The following ZCRB1 variants were observed in gnomAD, a reference collection of about 807,000 sequenced individuals.
The protein encoded by ZCRB1 is zinc finger CCHC-type and RNA-binding motif-containing protein 1.
In ZCRB1, 21 loss-of-function variants were observed where a neutral mutation model predicts 29.9. That is an observed-to-expected ratio of 0.70 (90% confidence interval 0.50 to 1.01). ZCRB1 has a LOEUF of 1.01. Among genes scored for constraint, ZCRB1 ranks in the 50% least tolerant of loss-of-function variants. ZCRB1 has a pLI of 0.00. For synonymous variants in ZCRB1, 77 were observed against 80.0 expected (o/e 0.96, Z 0.20); for missense variants, 204 against 253.3 (o/e 0.81, Z 1.32).
intron 2 of ZCRB1, among the ~76,000 whole-genome samples, chr12:42,323,501 T>C (rs1489748560): frequency 6.6e-6 from 1 of 152,218 alleles, no homozygotes; most frequent in Non-Finnish European, 1.5e-5. Context: ...TTCACTTCCA[T>C]TCCCAACTTA....
chr12:42,316,185 C>T (rs1592102145), intron 5 of ZCRB1, among the ~76,000 whole-genome samples: 2 of 152,286 alleles, frequency 1.3e-5, no homozygotes. Flanking sequence ...ACCTCCACCT[C>T]CTGGGTTCAA....
rs2068634523 is a variant in ZCRB1, at chr12:42,323,914, CAAAAAAAGAAAAAA to C, written c.84+91_84+104del. The C allele has an allele frequency of 1.6e-5, 17 of 1,078,374 alleles. No individual in the cohort carries two copies. The South Asian group carries it at 2.2e-4, about 14-fold the overall frequency. 66.8% of individuals were successfully genotyped at this position (1,078,374 alleles called of 1,614,324 possible). A position where few individuals can be genotyped will look rare whatever the true frequency, so the allele number is the denominator to read the frequency against. ...CCTCAGTGACAGAATTAGACTGTCT[CAAAAAAAGAAAAAA>C]AAAAAAAGGAAAAAAGAATTTGCCA... On this transcript the variant is annotated intron_variant, in intron 2 of 7. Transcript: ENST00000266529.
At chr12:42,314,103 C>G in intron 5 of ZCRB1, 117 bp from the exon 6 acceptor site, 1 of 973,872 alleles carries the variant, frequency 1.0e-6, no homozygotes, top group Non-Finnish European at 1.5e-6. Flanking sequence ...TATTCCCATA[C>G]TGGGACTATA....
Position 42,313,020 on chromosome 12 carries a change from T to G in ZCRB1, c.*47A>C. ...TTTTATTAAAATTAGCTCTTCAAGA[T>G]TGTTACTAACAAATCTTGATTTTTA... On this transcript the variant is annotated 3_prime_UTR_variant, in exon 8 of 8. Transcript: ENST00000266529. 2 of 1,490,630 alleles carry G rather than the reference T, an allele frequency of 1.3e-6. No individual in the cohort carries two copies. The highest frequency in any genetic ancestry group is 1.5e-5 in the South Asian group (1 of 67,188). 92.3% of individuals were successfully genotyped at this position (1,490,630 alleles called of 1,614,324 possible). A position where few individuals can be genotyped will look rare whatever the true frequency, so the allele number is the denominator to read the frequency against.
chr12:42,320,364 A>G (rs966142809), intron 3 of ZCRB1, among the ~76,000 whole-genome samples: 2 of 152,120 alleles, frequency 1.3e-5, no homozygotes, highest in African/African-American at 2.4e-5. Context: ...ACCAGTCTCT[A>G]TATCTCCACC....
At chr12:42,317,756 C>T in intron 4 of ZCRB1, 31 bp downstream of exon 4, 1 of 1,601,856 alleles carries the variant, frequency 6.2e-7, no homozygotes, top group Admixed American at 1.7e-5. Context: ...GGCTTTGGGG[C>T]TAAAAACCTT....
intron 5 of ZCRB1, among the ~76,000 whole-genome samples, chr12:42,314,229 GTCT>G (rs2068583541): frequency 6.6e-6 from 1 of 151,694 alleles, no homozygotes; most frequent in Admixed American, 6.6e-5. Context: ...AGTGGTAGTA[GTCT>G]TCTTTCAAAC....
rs1234216932 is a variant in ZCRB1, at chr12:42,313,782, C to G, written c.447-17G>C. 7 of 1,613,338 alleles carry G rather than the reference C, an allele frequency of 4.3e-6. No homozygotes were observed. ...ACTTCCTCACTTAAATAAAGAAAAA[C>G]AAATTGGAATGTAACCAACCAATAA... is the stretch of plus-strand genomic sequence containing the variant. On this transcript the variant is annotated splice_polypyrimidine_tract_variant and intron_variant, in intron 6 of 7. Coordinates refer to ENST00000266529, the MANE Select transcript of ZCRB1 (RefSeq NM_033114.4).
At chr12:42,314,050 C>G in intron 5 of ZCRB1, 64 bp from the exon 6 acceptor site, 2 of 1,523,966 alleles carry the variant, frequency 1.3e-6, no homozygotes, top group Non-Finnish European at 1.8e-6. Context: ...TAAAAACTTG[C>G]CTGGTACCTT....
At chr12:42,323,306 C>G (rs1349562703) in intron 2 of ZCRB1, among the ~76,000 whole-genome samples, 1 of 152,150 alleles carries the variant, frequency 6.6e-6, no homozygotes, top group Non-Finnish European at 1.5e-5. Context: ...AGAGTGAAAG[C>G]CAGAGTCCTT....
At position 42,322,413 on chromosome 12, in the gene ZCRB1, CTTACT is replaced by C. The variant is rs950723986; in HGVS notation, c.113_113+4del. Reference sequence around the variant, plus strand: ...GAAGTTACAAAATTTAATGTGAATACTTACTTTACAACTTTGCCATACTTGGAAAA... The same window carrying C: ...GAAGTTACAAAATTTAATGTGAATACTTACAACTTTGCCATACTTGGAAAA... On this transcript the variant is annotated splice_donor_variant and splice_donor_region_variant and coding_sequence_variant and intron_variant, in exon 3 of 8. Transcript: ENST00000266529. LOFTEE classifies it high-confidence loss of function. The C allele has an allele frequency of 3.4e-6, 5 of 1,469,520 alleles. No individual in the cohort carries two copies. The highest frequency in any genetic ancestry group is 1.4e-5 in the African/African-American group (1 of 69,682). The allele number at this position is 1,469,520 out of a possible 1,614,324, so 91.0% of individuals were successfully genotyped here. A position where few individuals can be genotyped will look rare whatever the true frequency, so the allele number is the denominator to read the frequency against.
chr12:42,312,903 C>G lies in ZCRB1; in HGVS notation c.*164G>C, dbSNP rs951528615. 5 of 732,630 alleles carry G rather than the reference C, an allele frequency of 6.8e-6. No homozygotes were observed. The highest frequency in any genetic ancestry group is 9.3e-6 in the Non-Finnish European group (5 of 535,062). 45.4% of individuals were successfully genotyped at this position (732,630 alleles called of 1,614,324 possible). ...AAACAAATCAGGCATGAATAAAGCCCTTATAATGAACTTTTCAAATAAATT... is the reference window on the plus strand; with the variant it reads ...AAACAAATCAGGCATGAATAAAGCCGTTATAATGAACTTTTCAAATAAATT... On this transcript the variant is annotated 3_prime_UTR_variant, in exon 8 of 8. Coordinates refer to ENST00000266529, the MANE Select transcript of ZCRB1 (RefSeq NM_033114.4).
intron 3 of ZCRB1, among the ~76,000 whole-genome samples, chr12:42,319,570 C>T (rs1000189452): frequency 2.0e-5 from 3 of 152,198 alleles, no homozygotes; most frequent in Non-Finnish European, 4.4e-5. Context: ...TATCTTCTTC[C>T]ACCTCTGAAT....
At chr12:42,314,841 A>T (rs758329546) in intron 5 of ZCRB1, among the ~76,000 whole-genome samples, 1 of 152,110 alleles carries the variant, frequency 6.6e-6, no homozygotes, top group Non-Finnish European at 1.5e-5. Context: ...AATCCCAGCT[A>T]CTCAGGAGAC....
At chr12:42,318,162 T>C (rs2068603980) in intron 3 of ZCRB1, among the ~76,000 whole-genome samples, 1 of 152,078 alleles carries the variant, frequency 6.6e-6, no homozygotes, top group Non-Finnish European at 1.5e-5. Flanking sequence ...GACAATGAAA[T>C]CTTAAAGTGT....
At chr12:42,322,564 T>C in intron 2 of ZCRB1, 118 bp from the exon 3 acceptor site, 1 of 1,100,896 alleles carries the variant, frequency 9.1e-7, no homozygotes, top group Non-Finnish European at 1.2e-6. Flanking sequence ...CAGCCTTCAG[T>C]CTATAAGACA....
rs112388905 is a variant in ZCRB1 at position 42,314,582 on chromosome 12, CA to C, written c.334-597del. ...GGGTGACAAGAGCAAAACTCCGTCT[CA>C]AAAAAAAAAAATCAAAATTTAAATG... On this transcript the variant is annotated intron_variant, in intron 5 of 7. Transcript: ENST00000266529. Among the ~76,000 whole-genome samples, 130 of 129,438 alleles carry C rather than the reference CA, an allele frequency of 1.0e-3. 1 individual carries two copies. The highest frequency in any genetic ancestry group is 2.6e-3 in the African/African-American group (94 of 36,010). 84.9% of individuals were successfully genotyped at this position (129,438 alleles called of 152,430 possible). A position where few individuals can be genotyped will look rare whatever the true frequency, so the allele number is the denominator to read the frequency against.
At chr12:42,317,197 T>C (rs963660344) in intron 5 of ZCRB1, 143 bp downstream of exon 5, 8 of 597,656 alleles carry the variant, frequency 1.3e-5, no homozygotes, top group East Asian at 6.1e-5. Flanking sequence ...GAAAACCCTA[T>C]CTCAAAAAAA....
chr12:42,316,369 G>A (rs1034570173), intron 5 of ZCRB1, among the ~76,000 whole-genome samples: 5 of 152,140 alleles, frequency 3.3e-5, no homozygotes, highest in African/African-American at 1.2e-4. Flanking sequence ...CAAAATGCTA[G>A]GATTACAGGC....
Sources: gnomAD v4.1 joint callset for allele counts (sites outside exome capture counted in the v4.1 genomes callset) on GRCh38, gnomAD v4.1.1 for gene constraint, MANE v1.5 for transcripts, NCBI Gene and HGNC (gene_info 2026-07-23, HGNC 2026-07-21) for gene names.